Variants in PRKG1 observed in about 807,000 individuals in gnomAD.
PRKG1 encodes the protein protein kinase cGMP-dependent 1, also known as cGMP-dependent protein kinase 1.
Under a neutral mutation model 88.1 loss-of-function variants are expected in PRKG1, and 35 were observed. That is an observed-to-expected ratio of 0.40 (90% CI 0.30 to 0.53). The LOEUF (loss-of-function observed/expected upper bound fraction) is 0.53, where lower values mean the gene tolerates loss of function less well. Ranked by LOEUF, PRKG1 falls within the 20% of genes least tolerant of loss-of-function variation. PRKG1 has a pLI of 0.59. For synonymous variants in PRKG1, 303 were observed against 292.5 expected (o/e 1.04, Z -0.37); for missense variants, 540 against 839.8 (o/e 0.64, Z 4.41).
chr10:51,093,785 A>T (rs1279227453), intron 1 of PRKG1, among the ~76,000 whole-genome samples: 2 of 130,534 alleles, frequency 1.5e-5, no homozygotes, highest in Non-Finnish European at 3.1e-5. Context: ...ATATATATGT[A>T]TTTTATATAT....
rs186801020 is a variant in PRKG1 at position 52,188,277 on chromosome 10, T to C, written c.1076+26314T>C. Among the ~76,000 whole-genome samples, 192 of 21,614 alleles carry C rather than the reference T, an allele frequency of 8.9e-3. 6 individuals are homozygous for C. The highest frequency in any genetic ancestry group is 0.03 in the African/African-American group (158 of 5,334). The allele number at this position is 21,614 out of a possible 152,430, so 14.2% of individuals were successfully genotyped here. A position where few individuals can be genotyped will look rare whatever the true frequency, so the allele number is the denominator to read the frequency against. ...GTATATATATACATATGTATATATA[T>C]ACATATATATGTGTATATATATATG... On this transcript the variant is annotated intron_variant, in intron 9 of 17. Coordinates refer to ENST00000373980, the MANE Select transcript of PRKG1 (RefSeq NM_006258.4).
intron 9 of PRKG1, among the ~76,000 whole-genome samples, chr10:52,173,389 C>T (rs1311328103): frequency 6.6e-6 from 1 of 152,014 alleles, no homozygotes; most frequent in Non-Finnish European, 1.5e-5. Context: ...CAATAAAATG[C>T]CATTAGAAAA....
At chr10:51,556,521 TTA>T (rs1047459564) in intron 3 of PRKG1, among the ~76,000 whole-genome samples, 1 of 151,990 alleles carries the variant, frequency 6.6e-6, no homozygotes, top group Non-Finnish European at 1.5e-5. Context: ...TGAAAATGTC[TTA>T]TATATACATC....
At chr10:51,189,130 G>C (rs1249814378) in intron 2 of PRKG1, among the ~76,000 whole-genome samples, 2 of 151,736 alleles carry the variant, frequency 1.3e-5, no homozygotes, top group Non-Finnish European at 2.9e-5. Flanking sequence ...GCTCTTCTTT[G>C]AGGAGCATGC....
chr10:52,130,426 G>A (rs1250544190), intron 7 of PRKG1, among the ~76,000 whole-genome samples: 1 of 152,096 alleles, frequency 6.6e-6, no homozygotes, highest in Non-Finnish European at 1.5e-5. Flanking sequence ...AAATATTGTA[G>A]ATTTGTGATG....
At chr10:52,157,333 A>ATG (rs1215657307) in intron 8 of PRKG1, among the ~76,000 whole-genome samples, 1 of 119,840 alleles carries the variant, frequency 8.3e-6, no homozygotes, top group Non-Finnish European at 1.7e-5. Flanking sequence ...ATATATATAT[A>ATG]TATATGTATA....
In PRKG1 at chr10:51,115,372, C is replaced by CACATATATATATAT. The variant is rs1243704679; in HGVS notation, c.312-37791_312-37790insCATATATATATATA. ...GATGTTACAATAATGTTCCTTTAAACATATATATATATAAAACAAATGTGA... is the reference window on the plus strand; with the variant it reads ...GATGTTACAATAATGTTCCTTTAAACACATATATATATATATATATATATATAAAACAAATGTGA... On this transcript the variant is annotated intron_variant, in intron 1 of 17. Transcript: ENST00000373980. 6.3e-5 allele frequency among the ~76,000 whole-genome samples: 2 copies of CACATATATATATAT among 31,834 alleles called. 1 individual carries two copies. Among genetic ancestry groups the CACATATATATATAT allele is most frequent in the Non-Finnish European group, 1.7e-4 (2 of 11,842 alleles). The allele number at this position is 31,834 out of a possible 152,430, so 20.9% of individuals were successfully genotyped here.
At chr10:52,121,241 C>A (rs1237701751) in intron 7 of PRKG1, among the ~76,000 whole-genome samples, 1 of 152,130 alleles carries the variant, frequency 6.6e-6, no homozygotes, top group Non-Finnish European at 1.5e-5. Context: ...TGCTCTGGGC[C>A]TGTGATTGGA....
intron 1 of PRKG1, among the ~76,000 whole-genome samples, chr10:51,144,377 T>G (rs1845890764): frequency 6.6e-6 from 1 of 152,098 alleles, no homozygotes; most frequent in Non-Finnish European, 1.5e-5. Flanking sequence ...GGACAATTTA[T>G]GTAATTCTCT....
intron 2 of PRKG1, among the ~76,000 whole-genome samples, chr10:51,379,891 A>G (rs906328321): frequency 6.6e-6 from 1 of 152,198 alleles, no homozygotes; most frequent in Non-Finnish European, 1.5e-5. Flanking sequence ...ATCTATAGCT[A>G]TGAGGAAAAG....
At chr10:51,528,231 C>T (rs147975164) in intron 3 of PRKG1, among the ~76,000 whole-genome samples, 6 of 152,254 alleles carry the variant, frequency 3.9e-5, no homozygotes, top group African/African-American at 1.4e-4. Flanking sequence ...TAATCAGTAC[C>T]TCCTCTCATA....
At chr10:51,953,306 C>G (rs1300711571) in intron 5 of PRKG1, among the ~76,000 whole-genome samples, 1 of 152,174 alleles carries the variant, frequency 6.6e-6, no homozygotes, top group Non-Finnish European at 1.5e-5. Context: ...GTTTTCCAGG[C>G]AGAAATGTCA....
At chr10:51,373,622 T>G (rs757289927) in intron 2 of PRKG1, among the ~76,000 whole-genome samples, 1 of 152,076 alleles carries the variant, frequency 6.6e-6, no homozygotes, top group Non-Finnish European at 1.5e-5. Context: ...GTCCCTAGTA[T>G]GTGTTGTTCC....
At chr10:52,175,986 C>G (rs563004034) in intron 9 of PRKG1, among the ~76,000 whole-genome samples, 1 of 151,970 alleles carries the variant, frequency 6.6e-6, no homozygotes, top group Admixed American at 6.6e-5. Context: ...TGTGCAGAAG[C>G]CTTTCAGACT....
intron 5 of PRKG1, among the ~76,000 whole-genome samples, chr10:51,940,793 A>G (rs150354541): frequency 5.7e-4 from 87 of 152,040 alleles, no homozygotes; most frequent in African/African-American, 2.1e-3. Flanking sequence ...TCACCAAAGC[A>G]CCAAGCCCAT....
At chr10:52,107,435 C>T (rs973043531) in intron 7 of PRKG1, among the ~76,000 whole-genome samples, 2 of 152,180 alleles carry the variant, frequency 1.3e-5, no homozygotes, top group African/African-American at 2.4e-5. Flanking sequence ...TAAATGAGAT[C>T]GAGCATCTAA....
chr10:51,775,490 T>C (rs1838409746), intron 3 of PRKG1, among the ~76,000 whole-genome samples: 1 of 152,150 alleles, frequency 6.6e-6, no homozygotes, highest in African/African-American at 2.4e-5. Context: ...TTGTAAGACT[T>C]GCACAAATCT....
intron 4 of PRKG1, among the ~76,000 whole-genome samples, chr10:51,863,956 T>C (rs945594630): frequency 6.6e-6 from 1 of 152,206 alleles, no homozygotes; most frequent in Admixed American, 6.5e-5. Flanking sequence ...AGGAGGAGAC[T>C]CACTTGTCCA....
chr10:51,634,640 C>A (rs1057225501), intron 3 of PRKG1, among the ~76,000 whole-genome samples: 1 of 152,076 alleles, frequency 6.6e-6, no homozygotes, highest in Admixed American at 6.6e-5. Context: ...TCTTAAGAAT[C>A]GACTTTACAC....
Sources: allele counts gnomAD v4.1 joint callset (sites outside exome capture counted in the v4.1 genomes callset), GRCh38; gene constraint gnomAD v4.1.1; transcripts MANE v1.5; gene names NCBI Gene and HGNC (gene_info 2026-07-23, HGNC 2026-07-21).